NOX4: variants seen among roughly 807,000 people sequenced by gnomAD.
NOX4 encodes NADPH oxidase 4.
In NOX4, 69 loss-of-function variants were observed where a neutral mutation model predicts 87.6. The ratio of observed to expected loss-of-function variants is 0.79; its 90% CI spans 0.65 to 0.96. The LOEUF is 0.96. Ranked by LOEUF, NOX4 falls within the 40% of genes least tolerant of loss-of-function variation. NOX4 has a pLI of 0.00. For missense variants in NOX4, 680 were observed against 681.5 expected (o/e 1.00, Z 0.02); for synonymous variants, 275 against 238.2 (o/e 1.15, Z -1.42).
chr11:89,467,155 T>C (rs1374363929), intron 2 of NOX4, among the ~76,000 whole-genome samples: 1 of 151,764 alleles, frequency 6.6e-6, no homozygotes, highest in African/African-American at 2.4e-5. Context: ...GAGACCATGC[T>C]GGCTAACACA....
the NOX4 span, among the ~76,000 whole-genome samples, chr11:89,539,823 G>A: frequency 6.6e-6 from 1 of 152,130 alleles, no homozygotes; most frequent in African/African-American, 2.4e-5. Flanking sequence ...GACAAGGGGA[G>A]CAGTCATGTA....
chr11:89,433,381 G>T (rs1943913565), intron 6 of NOX4, among the ~76,000 whole-genome samples: 1 of 151,844 alleles, frequency 6.6e-6, no homozygotes, highest in Non-Finnish European at 1.5e-5. Context: ...ATGGCAAATA[G>T]GTACTTACTT....
At chr11:89,564,097 A>C in the NOX4 span, among the ~76,000 whole-genome samples, 1 of 152,202 alleles carries the variant, frequency 6.6e-6, no homozygotes, top group Non-Finnish European at 1.5e-5. Context: ...CGTATTATAA[A>C]AGATCTACTA....
chr11:89,428,698 C>G (rs1317395235), intron 7 of NOX4, among the ~76,000 whole-genome samples: 1 of 152,054 alleles, frequency 6.6e-6, no homozygotes, highest in African/African-American at 2.4e-5. Flanking sequence ...AATACAGGAG[C>G]ACCCAGATTC....
At chr11:89,449,653 G>GATGA (rs1944866287) in intron 3 of NOX4, 129 bp from the exon 4 acceptor site, 1 of 611,338 alleles carries the variant, frequency 1.6e-6, no homozygotes, top group Admixed American at 3.1e-5. Flanking sequence ...AAATTGGTGA[G>GATGA]ATGAATTATG....
intron 8 of NOX4, among the ~76,000 whole-genome samples, chr11:89,404,156 G>T (rs1942035859): frequency 6.6e-6 from 1 of 152,058 alleles, no homozygotes; most frequent in South Asian, 2.1e-4. Context: ...TAAGTTTCTA[G>T]TCACCCAATA....
intron 12 of NOX4, among the ~76,000 whole-genome samples, chr11:89,364,870 A>C (rs1938825325): frequency 6.6e-6 from 1 of 152,156 alleles, no homozygotes; most frequent in African/African-American, 2.4e-5. Flanking sequence ...TGCTGTAGAC[A>C]AGGAAACTAA....
intron 16 of NOX4, among the ~76,000 whole-genome samples, chr11:89,336,830 G>T (rs1172368461): frequency 6.6e-6 from 1 of 152,020 alleles, no homozygotes; most frequent in Non-Finnish European, 1.5e-5. Flanking sequence ...TTCAAATGTT[G>T]TATTCCAAGT....
At chr11:89,355,354 G>T (rs965787317) in intron 12 of NOX4, among the ~76,000 whole-genome samples, 1 of 146,908 alleles carries the variant, frequency 6.8e-6, no homozygotes, top group Admixed American at 6.8e-5. Context: ...ATAAAATTAA[G>T]CCTGGATTAA....
the NOX4 span, among the ~76,000 whole-genome samples, chr11:89,524,038 T>C: frequency 1.6e-4 from 25 of 152,264 alleles, no homozygotes; most frequent in East Asian, 4.2e-3. Context: ...ATGGGAAAGA[T>C]GGTGGGATGC....
At chr11:89,368,489 G>T (rs1354186710) in intron 12 of NOX4, among the ~76,000 whole-genome samples, 1 of 152,096 alleles carries the variant, frequency 6.6e-6, no homozygotes, top group African/African-American at 2.4e-5. Flanking sequence ...CTAAGCTGGT[G>T]CCTTACTGCT....
chr11:89,471,075 C>T lies in NOX4; in HGVS notation c.154-19180G>A, dbSNP rs182661989. 3.1e-3 allele frequency among the ~76,000 whole-genome samples: 478 copies of T among 152,288 alleles called. 2 individuals are homozygous for T. The highest frequency in any genetic ancestry group is 9.5e-3 in the African/African-American group (394 of 41,554). ...TTGCTAGGGCCCATATCCCTATCTC[C>T]ACCCTCACTTATAACTCTCCAAATT... On this transcript the variant is annotated intron_variant, in intron 2 of 17. Coordinates refer to ENST00000263317, the MANE Select transcript of NOX4 (RefSeq NM_016931.5).
At chr11:89,335,989 A>G in intron 16 of NOX4, 44 bp from the exon 17 acceptor site, 1 of 1,212,786 alleles carries the variant, frequency 8.2e-7, no homozygotes, top group Non-Finnish European at 1.2e-6. Flanking sequence ...TTAGTTAAGT[A>G]AACCAGTTCT....
chr11:89,460,167 G>A (rs957565665), intron 2 of NOX4, among the ~76,000 whole-genome samples: 10 of 151,992 alleles, frequency 6.6e-5, no homozygotes, highest in South Asian at 2.1e-4. Context: ...AATTCAAGAT[G>A]GATTAAAGAC....
rs532138063 is a variant in NOX4, at chr11:89,355,211, T to C, written c.1136-168A>G. 1.9e-3 allele frequency among the ~76,000 whole-genome samples: 291 copies of C among 150,972 alleles called. 1 individual carries two copies. Among genetic ancestry groups the C allele is most frequent in the Non-Finnish European group, 3.5e-3 (239 of 67,804 alleles). On this transcript the variant is annotated intron_variant, in intron 12 of 17. Transcript: ENST00000263317. ...TTATGTATTACTAATATATACATAGTGTATGTATGTGTGTGTGTGTATATA... is the reference window on the plus strand; with the variant it reads ...TTATGTATTACTAATATATACATAGCGTATGTATGTGTGTGTGTGTATATA...
intron 11 of NOX4, among the ~76,000 whole-genome samples, chr11:89,399,108 T>G: frequency 6.6e-6 from 1 of 152,014 alleles, no homozygotes; most frequent in Middle Eastern, 3.4e-3. Flanking sequence ...TATAATGAAC[T>G]CATGCTATTT....
the NOX4 span, among the ~76,000 whole-genome samples, chr11:89,579,482 T>C: frequency 6.6e-6 from 1 of 151,650 alleles, no homozygotes; most frequent in Admixed American, 6.6e-5. Context: ...AAAAAAAAAG[T>C]CTATTTAAAG....
intron 8 of NOX4, among the ~76,000 whole-genome samples, chr11:89,407,971 A>G (rs1235642531): frequency 7.8e-6 from 1 of 128,932 alleles, no homozygotes. Context: ...TTTTTTCCTA[A>G]TATTTTATAA....
intron 2 of NOX4, among the ~76,000 whole-genome samples, chr11:89,458,015 T>A (rs1478521377): frequency 6.6e-6 from 1 of 152,132 alleles, no homozygotes; most frequent in Non-Finnish European, 1.5e-5. Context: ...ACCATTCCTA[T>A]CAAACTACCA....
Sources: allele counts gnomAD v4.1 joint callset (sites outside exome capture counted in the v4.1 genomes callset), GRCh38; gene constraint gnomAD v4.1.1; transcripts MANE v1.5; gene names NCBI Gene and HGNC (gene_info 2026-07-23, HGNC 2026-07-21).